Variants in FTCDNL1 observed in about 807,000 individuals in gnomAD.
FTCDNL1 encodes the protein formiminotransferase cyclodeaminase N-terminal like.
Under a neutral mutation model 5.9 loss-of-function variants are expected in FTCDNL1, and 11 were observed. The ratio of observed to expected loss-of-function variants is 1.87; its 90% CI spans 1.18 to 3.10. The LOEUF (loss-of-function observed/expected upper bound fraction) is 3.10. Ranked by LOEUF, FTCDNL1 falls within the 30% of genes most tolerant of loss-of-function variation. FTCDNL1 has a pLI of 0.00. For synonymous variants in FTCDNL1, 58 were observed against 24.8 expected (o/e 2.34, Z -3.99); for missense variants, 115 against 65.5 (o/e 1.76, Z -2.61).
At chr2:199,845,520 G>A (rs751685221) in intron 3 of FTCDNL1, among the ~76,000 whole-genome samples, 6 of 151,960 alleles carry the variant, frequency 3.9e-5, no homozygotes, top group Non-Finnish European at 7.4e-5. Flanking sequence ...GCAGTGAGTC[G>A]AGATCGGGCC....
the FTCDNL1 span, among the ~76,000 whole-genome samples, chr2:199,691,994 A>G: frequency 6.6e-6 from 1 of 152,262 alleles, no homozygotes; most frequent in Non-Finnish European, 1.5e-5. Context: ...CTATTAAAAT[A>G]TAGCAACACT....
intron 3 of FTCDNL1, among the ~76,000 whole-genome samples, chr2:199,830,770 G>A (rs1702320157): frequency 2.0e-5 from 3 of 152,250 alleles, no homozygotes; most frequent in South Asian, 4.2e-4. Flanking sequence ...ACACATGCAC[G>A]AGATACAGAA....
intron 3 of FTCDNL1, among the ~76,000 whole-genome samples, chr2:199,780,660 A>G (rs1469686034): frequency 6.6e-6 from 1 of 152,206 alleles, no homozygotes; most frequent in Non-Finnish European, 1.5e-5. Context: ...TTGGCAAAGT[A>G]GCACACACCC....
rs56145074 is a variant in FTCDNL1, at chr2:199,776,958, A to ATGTGTGTG, written c.212-16131_212-16124dup. 2.0e-3 allele frequency among the ~76,000 whole-genome samples: 270 copies of ATGTGTGTG among 136,204 alleles called. 2 individuals are homozygous for ATGTGTGTG. Among genetic ancestry groups the ATGTGTGTG allele is most frequent in the African/African-American group, 5.7e-3 (206 of 35,908 alleles). The allele number at this position is 136,204 out of a possible 152,430, so 89.4% of individuals were successfully genotyped here. The stretch of plus-strand genomic sequence containing the variant: ...CACACACACACAGAGATGTGTGTAT[A>ATGTGTGTG]TGTGTGTGTGTGTGTGTGTGTGTGT... On this transcript the variant is annotated intron_variant, in intron 3 of 3. Transcript: ENST00000416668.
chr2:199,672,777 G>A, the FTCDNL1 span, among the ~76,000 whole-genome samples: 20 of 151,936 alleles, frequency 1.3e-4, no homozygotes, highest in African/African-American at 4.8e-4. Flanking sequence ...AGCAGCCTGA[G>A]CCCCAAAAGG....
chr2:199,673,642 T>C, the FTCDNL1 span, among the ~76,000 whole-genome samples: 2 of 152,140 alleles, frequency 1.3e-5, no homozygotes, highest in African/African-American at 2.4e-5. Context: ...TATAATTCCA[T>C]GTGACAACTG....
intron 3 of FTCDNL1, among the ~76,000 whole-genome samples, chr2:199,826,163 G>T (rs1035198227): frequency 1.3e-5 from 2 of 152,144 alleles, no homozygotes; most frequent in Non-Finnish European, 2.9e-5. Flanking sequence ...AGTTTATATA[G>T]GCAGAATGCT....
intron 4 of FTCDNL1, among the ~76,000 whole-genome samples, chr2:199,815,525 T>C (rs1701298673): frequency 6.6e-6 from 1 of 152,068 alleles, no homozygotes; most frequent in South Asian, 2.1e-4. Context: ...AAAAATATGT[T>C]AGGAAACACT....
At chr2:199,837,723 A>T (rs948349282) in intron 3 of FTCDNL1, among the ~76,000 whole-genome samples, 4 of 152,260 alleles carry the variant, frequency 2.6e-5, no homozygotes, top group African/African-American at 4.8e-5. Context: ...TGTTTTATAT[A>T]TTTTTTTAAA....
intron 3 of FTCDNL1, among the ~76,000 whole-genome samples, chr2:199,786,825 A>G (rs887689700): frequency 6.6e-6 from 1 of 152,106 alleles, no homozygotes; most frequent in Admixed American, 6.5e-5. Flanking sequence ...CTGGAACCAC[A>G]CAAATTTGTT....
chr2:199,683,152 T>G, the FTCDNL1 span, among the ~76,000 whole-genome samples: 1 of 152,240 alleles, frequency 6.6e-6, no homozygotes, highest in Non-Finnish European at 1.5e-5. Flanking sequence ...TGCATCATCA[T>G]CTTTTACAAG....
intron 3 of FTCDNL1, among the ~76,000 whole-genome samples, chr2:199,841,009 G>T (rs1205478738): frequency 6.6e-6 from 1 of 152,080 alleles, no homozygotes; most frequent in African/African-American, 2.4e-5. Flanking sequence ...AAATGAGCCA[G>T]GTGTGGTGGC....
the FTCDNL1 span, among the ~76,000 whole-genome samples, chr2:199,707,949 G>T: frequency 1.3e-5 from 2 of 151,906 alleles, no homozygotes; most frequent in South Asian, 4.2e-4. Context: ...ACTGTATCCT[G>T]GATCTATAGA....
intron 3 of FTCDNL1, among the ~76,000 whole-genome samples, chr2:199,792,175 A>T (rs182892620): frequency 2.4e-3 from 360 of 152,280 alleles, no homozygotes; most frequent in African/African-American, 8.0e-3. Context: ...TATCACTCTT[A>T]ATGATTCAAA....
chr2:199,717,083 G>GA, the FTCDNL1 span, among the ~76,000 whole-genome samples: 2 of 152,044 alleles, frequency 1.3e-5, no homozygotes, highest in African/African-American at 4.8e-5. Flanking sequence ...CAAAAAGGGG[G>GA]AAAAAAATTC....
chr2:199,747,635 G>A, the FTCDNL1 span, among the ~76,000 whole-genome samples: 2 of 150,062 alleles, frequency 1.3e-5, no homozygotes, highest in African/African-American at 2.5e-5. Flanking sequence ...ATCACATCCA[G>A]GACCCCTTTT....
intron 3 of FTCDNL1, among the ~76,000 whole-genome samples, chr2:199,788,897 A>G (rs1699788645): frequency 6.6e-6 from 1 of 151,986 alleles, no homozygotes; most frequent in South Asian, 2.1e-4. Flanking sequence ...TCTATGTGTA[A>G]CTCTATGGAA....
chr2:199,803,456 TTTTGGTTTGG>T (rs71019087), intron 3 of FTCDNL1, among the ~76,000 whole-genome samples: 84 of 150,434 alleles, frequency 5.6e-4, no homozygotes, highest in Admixed American at 8.6e-4. Flanking sequence ...TTTTGTTTTG[TTTTGGTTTGG>T]TTTGGTTTGG....
At chr2:199,695,268 CAT>C in the FTCDNL1 span, among the ~76,000 whole-genome samples, 1 of 152,304 alleles carries the variant, frequency 6.6e-6, no homozygotes, top group East Asian at 1.9e-4. Flanking sequence ...ATCTACCACA[CAT>C]GTTTTATCAA....
Sources: gnomAD v4.1 joint callset for allele counts (sites outside exome capture counted in the v4.1 genomes callset) on GRCh38, gnomAD v4.1.1 for gene constraint, MANE v1.5 for transcripts, NCBI Gene and HGNC (gene_info 2026-07-23, HGNC 2026-07-21) for gene names.